FNBP1L: variants seen among roughly 807,000 people sequenced by gnomAD.
FNBP1L encodes the protein formin binding protein 1 like.
Under a neutral mutation model 91.2 loss-of-function variants are expected in FNBP1L, and 36 were observed. That is an observed-to-expected ratio of 0.39 (90% CI 0.30 to 0.52). FNBP1L has a LOEUF of 0.52. Among genes scored for constraint, FNBP1L ranks in the 20% least tolerant of loss-of-function variants. The probability of loss-of-function intolerance (pLI) is 0.66; values close to 1 mark genes in which losing one functional copy is unlikely to be tolerated. For missense variants in FNBP1L, 571 were observed against 732.1 expected (o/e 0.78, Z 2.54); for synonymous variants, 242 against 237.0 (o/e 1.02, Z -0.19).
intron 10 of FNBP1L, among the ~76,000 whole-genome samples, chr1:93,539,627 G>A (rs1220361947): frequency 6.6e-6 from 1 of 152,036 alleles, no homozygotes; most frequent in Admixed American, 6.6e-5. Context: ...ATTATTGAAA[G>A]ATAAGTCAAA....
chr1:93,514,504 C>A (rs1457890991), intron 2 of FNBP1L, among the ~76,000 whole-genome samples: 6 of 151,196 alleles, frequency 4.0e-5, no homozygotes, highest in Non-Finnish European at 3.0e-5. Flanking sequence ...ATCACACTAC[C>A]TGACTTCAAA....
At chr1:93,485,539 A>G (rs1309727317) in intron 1 of FNBP1L, among the ~76,000 whole-genome samples, 1 of 152,220 alleles carries the variant, frequency 6.6e-6, no homozygotes, top group Admixed American at 6.5e-5. Context: ...GGTCCTAGCT[A>G]GTGAAATTAA....
At chr1:93,506,048 G>A (rs181729826) in intron 2 of FNBP1L, among the ~76,000 whole-genome samples, 7 of 152,258 alleles carry the variant, frequency 4.6e-5, no homozygotes, top group East Asian at 1.9e-4. Context: ...ATTCGTGGCC[G>A]AAAGTGATGG....
At chr1:93,490,504 T>C (rs1240403543) in intron 1 of FNBP1L, among the ~76,000 whole-genome samples, 1 of 152,192 alleles carries the variant, frequency 6.6e-6, no homozygotes, top group Non-Finnish European at 1.5e-5. Context: ...GAGATTCATT[T>C]CACACAAGCT....
intron 1 of FNBP1L, among the ~76,000 whole-genome samples, chr1:93,455,068 A>G (rs992772748): frequency 1.3e-5 from 2 of 152,046 alleles, no homozygotes; most frequent in African/African-American, 2.4e-5. Flanking sequence ...AGCAGAGACT[A>G]TAGGCGCCCA....
chr1:93,536,984 C>T (rs879139486), intron 10 of FNBP1L, among the ~76,000 whole-genome samples: 2 of 151,630 alleles, frequency 1.3e-5, no homozygotes, highest in Admixed American at 1.3e-4. Context: ...TTTTAAATAT[C>T]AAGATTGTTG....
chr1:93,471,264 T>C (rs1669275727), intron 1 of FNBP1L, among the ~76,000 whole-genome samples: 1 of 152,212 alleles, frequency 6.6e-6, no homozygotes, highest in Non-Finnish European at 1.5e-5. Context: ...TCAAAAACTT[T>C]TGGATTTTGG....
At chr1:93,496,243 C>T (rs1670256564) in intron 1 of FNBP1L, among the ~76,000 whole-genome samples, 1 of 151,624 alleles carries the variant, frequency 6.6e-6, no homozygotes, top group African/African-American at 2.4e-5. Context: ...CCCACCTCCC[C>T]CTTCCTTCTC....
intron 1 of FNBP1L, among the ~76,000 whole-genome samples, chr1:93,478,503 G>T: frequency 6.6e-6 from 1 of 152,186 alleles, no homozygotes; most frequent in Non-Finnish European, 1.5e-5. Flanking sequence ...CAGGATAGTA[G>T]AACCCAGGTG....
intron 2 of FNBP1L, among the ~76,000 whole-genome samples, chr1:93,512,100 A>T (rs1670875896): frequency 6.6e-6 from 1 of 152,150 alleles, no homozygotes; most frequent in South Asian, 2.1e-4. Flanking sequence ...ATGGAAAACA[A>T]CAAAAGGCAG....
chr1:93,549,334 A>G lies in FNBP1L; in HGVS notation c.1559A>G (p.Gln520Arg), dbSNP rs1371470267. ...CAGGAAGTCCGTGGGCCACCCCAGC[A>G]GCATGGTCACCACAATGAGTTTGAT... ...ANQEVRGPPQ[Q>R]HGHHNEFDDE... The change falls in exon 15 of 17, where the codon CAG (glutamine) becomes CGG (arginine). Residue 520 changes from glutamine to arginine, a missense_variant. Around this residue, in one of 5 missense-constraint regions of FNBP1L, gnomAD observed 189 missense variants for 219.7 expected, o/e 0.86. Coordinates refer to ENST00000271234, the MANE Select transcript of FNBP1L (RefSeq NM_001164473.3). 1.2e-6 allele frequency: 2 copies of G among 1,613,376 alleles called. No homozygotes were observed. Among genetic ancestry groups the G allele is most frequent in the East Asian group, 4.5e-5 (2 of 44,856 alleles).
intron 2 of FNBP1L, among the ~76,000 whole-genome samples, chr1:93,512,601 A>T (rs1382869073): frequency 6.6e-6 from 1 of 151,102 alleles, no homozygotes; most frequent in Non-Finnish European, 1.5e-5. Context: ...TCAAACTAGA[A>T]CTCAGGATTA....
At chr1:93,478,860 G>A (rs538686022) in intron 1 of FNBP1L, among the ~76,000 whole-genome samples, 4 of 152,304 alleles carry the variant, frequency 2.6e-5, no homozygotes, top group South Asian at 4.1e-4. Flanking sequence ...TAAATGTTTG[G>A]TAAGTTTAAT....
At chr1:93,537,597 C>A (rs2101764813) in intron 10 of FNBP1L, among the ~76,000 whole-genome samples, 1 of 152,188 alleles carries the variant, frequency 6.6e-6, no homozygotes, top group African/African-American at 2.4e-5. Flanking sequence ...CTTCTTTTTT[C>A]CTCCAGTGAC....
intron 11 of FNBP1L, among the ~76,000 whole-genome samples, chr1:93,541,852 A>G (rs1014911144): frequency 4.0e-4 from 61 of 152,170 alleles, no homozygotes; most frequent in African/African-American, 1.4e-3. Flanking sequence ...TCTATGTAAG[A>G]ATAGAGTTCC....
chr1:93,525,897 A>G (rs1291463245), intron 5 of FNBP1L, among the ~76,000 whole-genome samples: 2 of 152,188 alleles, frequency 1.3e-5, no homozygotes, highest in Admixed American at 6.5e-5. Flanking sequence ...ACTAACCAAT[A>G]TAATTTCTGT....
At chr1:93,521,871 A>G (rs1671339114) in intron 2 of FNBP1L, among the ~76,000 whole-genome samples, 2 of 152,190 alleles carry the variant, frequency 1.3e-5, no homozygotes, top group Non-Finnish European at 2.9e-5. Context: ...AAATACAGAA[A>G]TAACCTTTCT....
At chr1:93,538,284 G>C (rs1228436070) in intron 10 of FNBP1L, among the ~76,000 whole-genome samples, 5 of 147,978 alleles carry the variant, frequency 3.4e-5, no homozygotes, top group Non-Finnish European at 6.0e-5. Flanking sequence ...GAATAAGTTT[G>C]TAGGTAGAAT....
rs1385583796 is a variant in FNBP1L at position 93,448,244 on chromosome 1, A to G, written c.-38A>G. On this transcript the variant is annotated 5_prime_UTR_variant, in exon 1 of 17. Transcript: ENST00000271234. ...ACAGACTGTGGAGCCGACAGACTGA[A>G]GGACAGCGGCACCGCCAGACGGCCA... is the stretch of plus-strand genomic sequence containing the variant. 2.6e-6 allele frequency: 4 copies of G among 1,521,104 alleles called. No homozygotes were observed. The highest frequency in any genetic ancestry group is 3.5e-6 in the Non-Finnish European group (4 of 1,134,154). 94.2% of individuals were successfully genotyped at this position (1,521,104 alleles called of 1,614,324 possible).
Sources: allele counts gnomAD v4.1 joint callset (sites outside exome capture counted in the v4.1 genomes callset), GRCh38; gene constraint gnomAD v4.1.1; regional missense constraint gnomAD v4.1.1; transcripts MANE v1.5; gene names NCBI Gene and HGNC (gene_info 2026-07-23, HGNC 2026-07-21).